The following JAG1 variants were observed in gnomAD, a reference collection of about 807,000 sequenced individuals.
The protein encoded by JAG1 is protein jagged-1.
JAG1 carries 23 observed loss-of-function variants against 148.7 expected under a neutral mutation model. The observed-to-expected ratio is 0.15, with a 90% CI of 0.11 to 0.22. The LOEUF (loss-of-function observed/expected upper bound fraction) is 0.22. JAG1 is among the 10% of genes least tolerant of loss of function. The pLI is 1.00. For synonymous variants in JAG1, 572 were observed against 598.3 expected, an observed-to-expected ratio of 0.96 and a Z score of 0.64; for missense variants, 1,054 against 1,611.2, an observed-to-expected ratio of 0.65 and a Z score of 5.92.
At chr20:10,663,566 A>G (rs957353613) in intron 3 of JAG1, among the ~76,000 whole-genome samples, 1 of 152,224 alleles carries the variant, frequency 6.6e-6, no homozygotes, top group African/African-American at 2.4e-5. Flanking sequence ...AGAGCCCAGC[A>G]CCACCTTTAT....
In JAG1 at chr20:10,648,609, C is replaced by A; in HGVS notation, c.1509G>T (p.Gln503His). ...GACACTGGAATCTGTTGATTTCATT[C>A]TGACAGTGACCCCCATTCAAACAGG... ...SNPCLNGGHC[Q>H]NEINRFQCLC... Residue 503 changes from glutamine to histidine, a missense_variant, in exon 12 of 26, where the codon CAG becomes CAT. Gln to His is a conservative substitution (Grantham distance 24). This residue lies in a region of JAG1 where 245 missense variants were observed against 373.1 expected (regional missense o/e 0.66). Coordinates refer to ENST00000254958, the MANE Select transcript of JAG1 (RefSeq NM_000214.3). The A allele has an allele frequency of 1.2e-6, 2 of 1,614,138 alleles. No homozygotes were observed.
At chr20:10,654,644 G>C (rs1225912764) in intron 5 of JAG1, among the ~76,000 whole-genome samples, 1 of 152,224 alleles carries the variant, frequency 6.6e-6, no homozygotes, top group Non-Finnish European at 1.5e-5. Context: ...TCAGCGTGAA[G>C]GTTCTGTTTT....
chr20:10,667,492 T>C (rs959020735), intron 2 of JAG1, among the ~76,000 whole-genome samples: 3 of 152,192 alleles, frequency 2.0e-5, no homozygotes, highest in African/African-American at 7.2e-5. Context: ...CAAAACATAT[T>C]AAGCAGAAAA....
Position 10,673,657 on chromosome 20 carries a change from T to G in JAG1, c.-127A>C. The G allele has an allele frequency of 3.1e-6, 1 of 327,168 alleles. No homozygotes were observed. Among genetic ancestry groups the G allele is most frequent in the Admixed American group, 5.2e-5 (1 of 19,160 alleles). 20.3% of individuals were successfully genotyped at this position (327,168 alleles called of 1,614,324 possible). ...CCCGGCTCTAATATACTCCGCCGAT[T>G]GGAGCATGCACGACTGGAAAACAAC... On this transcript the variant is annotated 5_prime_UTR_variant, in exon 1 of 26. Transcript: ENST00000254958. This position sits in a 1 kb window ranked among gnomAD's most constrained non-coding sequence, Gnocchi z 4.7.
chr20:10,651,721 G>C (rs779310407), intron 7 of JAG1, 27 bp from the exon 8 acceptor site: 70 of 1,434,704 alleles, frequency 4.9e-5, no homozygotes, highest in Non-Finnish European at 6.3e-5. Context: ...GGCAGTCAGA[G>C]AGGGATGCCT....
chr20:10,671,075 T>C (rs1315784508), intron 2 of JAG1, among the ~76,000 whole-genome samples: 2 of 152,174 alleles, frequency 1.3e-5, no homozygotes, highest in African/African-American at 4.8e-5. Flanking sequence ...AGATTCCTTT[T>C]ATGGTCTTGT....
chr20:10,645,033 G>T lies in JAG1; in HGVS notation c.2228-54C>A. The stretch of plus-strand genomic sequence containing the variant: ...CTCCCTGAGTATCCAGAAACAGTCT[G>T]GAGGGGCAAGAACCAGGCCCAGAGA... On this transcript the variant is annotated intron_variant, in intron 17 of 25. Transcript: ENST00000254958. This position sits in a 1 kb window ranked among gnomAD's most constrained non-coding sequence, Gnocchi z 6.1. 6.5e-7 allele frequency: 1 copy of T among 1,537,260 alleles called. No individual in the cohort carries two copies. Among genetic ancestry groups the T allele is most frequent in the Non-Finnish European group, 9.0e-7 (1 of 1,109,914 alleles).
intron 2 of JAG1, 151 bp downstream of exon 2, chr20:10,672,550 C>T: frequency 2.5e-6 from 2 of 788,836 alleles, no homozygotes; most frequent in Non-Finnish European, 4.2e-6. Context: ...TATAGTGTCC[C>T]GGCTCCCTCA....
At chr20:10,642,279 ATGGTT>A (rs1315645705) in intron 21 of JAG1, among the ~76,000 whole-genome samples, 3 of 152,154 alleles carry the variant, frequency 2.0e-5, no homozygotes, top group Admixed American at 6.5e-5. Flanking sequence ...GCAGTTTGGG[ATGGTT>A]TGGTACACAG....
At chr20:10,660,048 A>G (rs961219934) in intron 3 of JAG1, among the ~76,000 whole-genome samples, 5 of 152,216 alleles carry the variant, frequency 3.3e-5, no homozygotes, top group African/African-American at 4.8e-5. Flanking sequence ...TTGGAGAGAC[A>G]GTTAGGACTG....
Position 10,649,596 on chromosome 20 carries a change from T to C in JAG1, c.1274A>G (p.Lys425Arg), listed in dbSNP as rs780939183. The change falls in exon 10 of 26, where the codon AAA becomes AGA. Residue 425 changes from lysine (K) to arginine (R), a missense_variant. This residue lies in a region of JAG1 where 245 missense variants were observed against 373.1 expected (regional missense o/e 0.66). Coordinates refer to ENST00000254958, the MANE Select transcript of JAG1 (RefSeq NM_000214.3). ...ECEAKPCVNA[K>R]SCKNLIASYY... Reference sequence around the variant, plus strand: ...GCTGGCAATGAGATTCTTACAGGATTTGGCGTTTACACAAGGTTTGGCCTC... The same window carrying C: ...GCTGGCAATGAGATTCTTACAGGATCTGGCGTTTACACAAGGTTTGGCCTC... 4 of 1,613,978 alleles carry C rather than the reference T, an allele frequency of 2.5e-6. No homozygotes were observed. In the Admixed American group the frequency reaches 6.7e-5, roughly 27 times the overall value.
In JAG1 at chr20:10,641,881, G is replaced by A; in HGVS notation, c.2584C>T (p.Pro862Ser). ...GAKCQEVSGR[P>S]CITMGSVIPD... ...ATCACACTCCCCATGGTGATGCAAG[G>A]TCTCCCTGAAACTGACAGGTGGAGA... Residue 862 changes from proline to serine, a missense_variant, in exon 22 of 26, where the codon CCT becomes TCT. By Grantham distance (74) the Pro-to-Ser change is moderately conservative (BLOSUM62 -1). Around this residue, in one of 6 missense-constraint regions of JAG1, gnomAD observed 342 missense variants for 514.6 expected, o/e 0.66. Transcript: ENST00000254958. 1 of 1,611,172 alleles carries A rather than the reference G, an allele frequency of 6.2e-7. No homozygotes were observed. Among genetic ancestry groups the A allele is most frequent in the Non-Finnish European group, 8.5e-7 (1 of 1,177,304 alleles).
chr20:10,660,928 G>A (rs911735157), intron 3 of JAG1, among the ~76,000 whole-genome samples: 6 of 152,328 alleles, frequency 3.9e-5, no homozygotes, highest in Middle Eastern at 3.4e-3. Flanking sequence ...GATGAAGGGC[G>A]AGTCTGAGCA....
chr20:10,662,913 C>T (rs1247279016), intron 3 of JAG1, among the ~76,000 whole-genome samples: 2 of 152,182 alleles, frequency 1.3e-5, no homozygotes, highest in African/African-American at 4.8e-5. Flanking sequence ...CACATCGGAG[C>T]TCAGCAATGA....
Position 10,641,275 on chromosome 20 carries a change from G to GT in JAG1, c.2917-32dup, listed in dbSNP as rs75617279. 77,072 of 1,612,594 alleles carry GT rather than the reference G, an allele frequency of 0.048. 3,444 individuals are homozygous for GT. The highest frequency in any genetic ancestry group is 0.19 in the East Asian group (8,407 of 44,862). ...ACGATTTTTAAAAACCCACACACGT[G>GT]TAAGATTGAGAGGAAGAACAAAAGG... On this transcript the variant is annotated intron_variant, in intron 23 of 25. Transcript: ENST00000254958.
chr20:10,639,470 A>G lies in JAG1; in HGVS notation c.*28T>C, dbSNP rs771910747. 1.1e-5 allele frequency: 18 copies of G among 1,588,438 alleles called. No homozygotes were observed. Among genetic ancestry groups the G allele is most frequent in the South Asian group, 5.5e-5 (5 of 90,610 alleles). The stretch of plus-strand genomic sequence containing the variant: ...AAAGAACTACAAGCCCTCAGACTCT[A>G]CCTAGCGGCGGCAGTGCCCGCGGTC... On this transcript the variant is annotated 3_prime_UTR_variant, in exon 26 of 26. Coordinates refer to ENST00000254958, the MANE Select transcript of JAG1 (RefSeq NM_000214.3).
rs1346978493 is a variant in JAG1, at chr20:10,673,058, G to C, written c.82-52C>G. On this transcript the variant is annotated intron_variant, in intron 1 of 25. Transcript: ENST00000254958. This position sits in a 1 kb window ranked among gnomAD's most constrained non-coding sequence, Gnocchi z 4.7. ...AGCGCGGGAGAAAGCTGTTTTCTTC[G>C]AGTATAGAGGTGGCGACTCCCTCCC... is the stretch of plus-strand genomic sequence containing the variant. 1.3e-6 allele frequency: 2 copies of C among 1,548,446 alleles called. No homozygotes were observed. Among genetic ancestry groups the C allele is most frequent in the East Asian group, 2.3e-5 (1 of 44,428 alleles).
In JAG1 at chr20:10,639,856, C is replaced by T. The variant is rs779531543; in HGVS notation, c.3299G>A (p.Gly1100Asp). 1.9e-6 allele frequency: 3 copies of T among 1,613,866 alleles called. No individual in the cohort carries two copies. The highest frequency in any genetic ancestry group is 2.5e-6 in the Non-Finnish European group (3 of 1,179,948). Reference protein sequence around the residue: ...YWCLRKRRKPGSHTHSASEDN... With the variant: ...YWCLRKRRKPDSHTHSASEDN... ...CTCAGAGGCTGAGTGTGTGTGGCTG[C>T]CCGGCTTCCGCCGCTTCCGCAGGCA... The change falls in exon 26 of 26, where the codon GGC (glycine) becomes GAC (aspartate). Residue 1100 changes from glycine (G) to aspartate (D), a missense_variant. Physicochemically the swap from Gly to Asp is moderately conservative, Grantham distance 94 (BLOSUM62 -1). Around this residue, in one of 6 missense-constraint regions of JAG1, gnomAD observed 177 missense variants for 177.3 expected, o/e 1.00. Transcript: ENST00000254958.
intron 5 of JAG1, among the ~76,000 whole-genome samples, chr20:10,654,124 G>A (rs1022516633): frequency 6.6e-6 from 1 of 152,178 alleles, no homozygotes; most frequent in Non-Finnish European, 1.5e-5. Flanking sequence ...AACTGATTAC[G>A]AAATGGCAAT....
Sources: allele counts gnomAD v4.1 joint callset (sites outside exome capture counted in the v4.1 genomes callset), GRCh38; gene constraint gnomAD v4.1.1; regional missense constraint gnomAD v4.1.1; non-coding constraint Gnocchi (gnomAD v3.1); transcripts MANE v1.5; gene names NCBI Gene and HGNC (gene_info 2026-07-23, HGNC 2026-07-21).